The following HLCS variants were observed in gnomAD, a reference collection of about 807,000 sequenced individuals.
HLCS encodes holocarboxylase synthetase, also known as biotin--protein ligase.
Under a neutral mutation model 75.0 loss-of-function variants are expected in HLCS, and 53 were observed. The ratio of observed to expected loss-of-function variants is 0.71; its 90% confidence interval spans 0.57 to 0.89. The LOEUF (loss-of-function observed/expected upper bound fraction) is 0.89. Among genes scored for constraint, HLCS ranks in the 40% least tolerant of loss-of-function variants. The pLI, the probability that HLCS is intolerant of heterozygous loss-of-function variation, is 0.00. For missense variants in HLCS, 966 were observed against 1,074.0 expected (o/e 0.90, Z 1.41); for synonymous variants, 431 against 428.6 (o/e 1.01, Z -0.07).
intron 6 of HLCS, among the ~76,000 whole-genome samples, chr21:36,865,829 TTC>T (rs1174207569): frequency 1.3e-5 from 2 of 152,224 alleles, no homozygotes; most frequent in African/African-American, 4.8e-5. Context: ...CCCCAGCAAT[TTC>T]TCTTATATCT....
intron 6 of HLCS, among the ~76,000 whole-genome samples, chr21:36,839,276 T>C (rs1489367639): frequency 1.3e-5 from 2 of 152,236 alleles, no homozygotes; most frequent in Non-Finnish European, 2.9e-5. Flanking sequence ...GTTTAGTGGA[T>C]ACTGGATCCA....
intron 6 of HLCS, among the ~76,000 whole-genome samples, chr21:36,881,056 C>T (rs1354578777): frequency 6.6e-6 from 1 of 152,004 alleles, no homozygotes. Flanking sequence ...CTGCAACCTC[C>T]ACCTCCCAGA....
chr21:36,967,007 G>A (rs1049784578), upstream of HLCS, among the ~76,000 whole-genome samples: 46 of 152,122 alleles, frequency 3.0e-4, no homozygotes, highest in Non-Finnish European at 5.4e-4. Flanking sequence ...CGCCAGGGCT[G>A]AGGAGTGGGA....
chr21:36,806,303 G>C (rs973907530), intron 6 of HLCS: 10 of 152,196 alleles, frequency 6.6e-5, no homozygotes, highest in African/African-American at 2.4e-4. Context: ...AACTGTGTGT[G>C]GTCAGAAGCC....
intron 5 of HLCS, among the ~76,000 whole-genome samples, chr21:36,900,834 AAG>A (rs1241190087): frequency 6.6e-6 from 1 of 152,206 alleles, no homozygotes. Flanking sequence ...GGGCTCAAAA[AAG>A]AGCCCAAGAT....
intron 6 of HLCS, among the ~76,000 whole-genome samples, chr21:36,847,043 A>G (rs1460575926): frequency 1.3e-5 from 2 of 152,238 alleles, no homozygotes; most frequent in African/African-American, 2.4e-5. Context: ...TCCAGCTTAA[A>G]CTAATTTTAA....
At chr21:36,868,789 C>G (rs1414613995) in intron 6 of HLCS, among the ~76,000 whole-genome samples, 1 of 152,168 alleles carries the variant, frequency 6.6e-6, no homozygotes, top group Non-Finnish European at 1.5e-5. Flanking sequence ...ACCAGGCTAC[C>G]ATGTGAGTGT....
chr21:36,751,944 A>C lies in HLCS; in HGVS notation c.*2302T>G, dbSNP rs974192923. On this transcript the variant is annotated 3_prime_UTR_variant, in exon 11 of 11. Coordinates refer to ENST00000674895, the MANE Select transcript of HLCS (RefSeq NM_001352514.2). ...ATCATCAGGAAAATGCCAAGTTCCC[A>C]TTAAGACTTTAAAGCTCCTTGAGAT... The C allele has an allele frequency of 6.6e-6, 1 of 152,448 alleles. No individual in the cohort carries two copies. Among genetic ancestry groups the C allele is most frequent in the African/African-American group, 2.4e-5 (1 of 41,466 alleles). The allele number at this position is 152,448 out of a possible 1,614,324, so 9.4% of individuals were successfully genotyped here. A position where few individuals can be genotyped will look rare whatever the true frequency, so the allele number is the denominator to read the frequency against.
At chr21:36,770,723 A>G (rs187280529) in intron 6 of HLCS, among the ~76,000 whole-genome samples, 19 of 151,946 alleles carry the variant, frequency 1.3e-4, no homozygotes, top group Admixed American at 2.0e-4. Context: ...ATGGGTTCAT[A>G]CCACCACACC....
chr21:36,983,057 A>G (rs1445649698), intron 1 of HLCS, among the ~76,000 whole-genome samples: 2 of 152,028 alleles, frequency 1.3e-5, no homozygotes, highest in Non-Finnish European at 2.9e-5. Flanking sequence ...AAACAAAAAC[A>G]AAAAAACTCT....
At chr21:36,838,933 G>T (rs981460762) in intron 6 of HLCS, among the ~76,000 whole-genome samples, 1 of 152,156 alleles carries the variant, frequency 6.6e-6, no homozygotes, top group Admixed American at 6.5e-5. Context: ...CTCCAGAACC[G>T]ACAGAGAATT....
intron 5 of HLCS, among the ~76,000 whole-genome samples, chr21:36,924,038 G>A (rs915132174): frequency 2.0e-5 from 3 of 152,176 alleles, no homozygotes; most frequent in Non-Finnish European, 2.9e-5. Flanking sequence ...CATGTCAAAA[G>A]CTATTCAAGG....
At chr21:36,843,473 A>T (rs1021847607) in intron 6 of HLCS, among the ~76,000 whole-genome samples, 8 of 150,130 alleles carry the variant, frequency 5.3e-5, no homozygotes, top group Admixed American at 4.0e-4. Flanking sequence ...AGAAACAAAG[A>T]AAGAAAAAGA....
At chr21:36,976,392 T>TCA (rs146534374) in intron 1 of HLCS, among the ~76,000 whole-genome samples, 104 of 140,076 alleles carry the variant, frequency 7.4e-4, no homozygotes, top group East Asian at 2.4e-3. Context: ...AGGAAGTCAG[T>TCA]CACACACACA....
intron 2 of HLCS, chr21:36,948,078 T>G (rs1446941467): frequency 1.5e-6 from 1 of 648,282 alleles, no homozygotes; most frequent in Non-Finnish European, 1.9e-6. Context: ...GATCACGAGG[T>G]CAGGAGTTCG....
intron 2 of HLCS, among the ~76,000 whole-genome samples, chr21:36,949,148 G>C (rs1318498682): frequency 6.6e-6 from 1 of 151,496 alleles, no homozygotes; most frequent in African/African-American, 2.4e-5. Flanking sequence ...AAGTGGTTTA[G>C]TTACCCACTC....
chr21:36,900,392 G>A (rs2065187416), intron 5 of HLCS, among the ~76,000 whole-genome samples: 1 of 152,212 alleles, frequency 6.6e-6, no homozygotes. Flanking sequence ...AGCAGGGAAA[G>A]AGCCTGATCA....
At chr21:36,818,343 G>A (rs149275893) in intron 6 of HLCS, among the ~76,000 whole-genome samples, 1 of 152,314 alleles carries the variant, frequency 6.6e-6, no homozygotes, top group African/African-American at 2.4e-5. Context: ...GAACTAAAAT[G>A]CATTAAAATT....
At chr21:36,950,538 G>A (rs2067622993) in intron 2 of HLCS, among the ~76,000 whole-genome samples, 1 of 151,748 alleles carries the variant, frequency 6.6e-6, no homozygotes, top group Non-Finnish European at 1.5e-5. Flanking sequence ...AGCGCAATCA[G>A]GACTCATTGC....
Sources: allele counts gnomAD v4.1 joint callset (sites outside exome capture counted in the v4.1 genomes callset), GRCh38; gene constraint gnomAD v4.1.1; transcripts MANE v1.5; gene names NCBI Gene and HGNC (gene_info 2026-07-23, HGNC 2026-07-21).